The following PRKD1 variants were observed in gnomAD, a reference collection of about 807,000 sequenced individuals.
The protein encoded by PRKD1 is serine/threonine-protein kinase D1.
PRKD1 carries 63 observed loss-of-function variants against 95.9 expected under a neutral mutation model. That is an observed-to-expected ratio of 0.66 (90% CI 0.54 to 0.81). The LOEUF (loss-of-function observed/expected upper bound fraction) is 0.81, where lower values mean the gene tolerates loss of function less well. Ranked by LOEUF, PRKD1 falls within the 30% of genes least tolerant of loss-of-function variation. The pLI is 0.00. For synonymous variants in PRKD1, 425 were observed against 423.1 expected (o/e 1.00, Z -0.05); for missense variants, 1,048 against 1,165.3 (o/e 0.90, Z 1.47).
At chr14:29,866,440 T>C (rs1187135791) in intron 1 of PRKD1, among the ~76,000 whole-genome samples, 2 of 152,226 alleles carry the variant, frequency 1.3e-5, no homozygotes, top group African/African-American at 4.8e-5. Context: ...ATTTTCCCCA[T>C]GTCTTTCCTA....
At chr14:29,849,987 G>A (rs74672666) in intron 1 of PRKD1, among the ~76,000 whole-genome samples, 17,186 of 151,976 alleles carry the variant, frequency 0.11, 1,101 homozygotes, top group East Asian at 0.25. Flanking sequence ...AAACGCTTTC[G>A]AGAGAGTGCA....
chr14:29,893,542 T>C (rs1894014255), intron 1 of PRKD1, among the ~76,000 whole-genome samples: 1 of 152,112 alleles, frequency 6.6e-6, no homozygotes, highest in African/African-American at 2.4e-5. Flanking sequence ...TCAGAAAAAA[T>C]AAGTAAATCA....
At chr14:29,692,715 A>C (rs1196059771) in intron 2 of PRKD1, among the ~76,000 whole-genome samples, 1 of 152,192 alleles carries the variant, frequency 6.6e-6, no homozygotes, top group Non-Finnish European at 1.5e-5. Flanking sequence ...ATTACTCTGA[A>C]TGCTACTTCA....
chr14:29,782,505 G>A (rs1321810990), intron 1 of PRKD1, among the ~76,000 whole-genome samples: 3 of 151,920 alleles, frequency 2.0e-5, no homozygotes, highest in African/African-American at 7.3e-5. Flanking sequence ...TTATTCTAAT[G>A]TAATAGTTAA....
rs955870457 is a variant in PRKD1, at chr14:29,787,142, A to G, written c.265-61468T>C. On this transcript the variant is annotated intron_variant, in intron 1 of 17. Coordinates refer to ENST00000331968, the MANE Select transcript of PRKD1 (RefSeq NM_002742.3). ...TCCCATGTATTTGTATAGTTTCCAA[A>G]GTGCCTCTTGGTATTGATTTCTAGT... 2.0e-5 allele frequency among the ~76,000 whole-genome samples: 3 copies of G among 151,326 alleles called. No individual in the cohort carries two copies. In the East Asian group the frequency reaches 5.8e-4, roughly 29 times the overall value.
At chr14:29,894,107 G>C (rs1020288076) in intron 1 of PRKD1, among the ~76,000 whole-genome samples, 1 of 152,182 alleles carries the variant, frequency 6.6e-6, no homozygotes, top group Non-Finnish European at 1.5e-5. Context: ...CTCTGAGGAA[G>C]TGATGTTAAA....
intron 1 of PRKD1, among the ~76,000 whole-genome samples, chr14:29,905,364 T>C (rs573814781): frequency 6.6e-6 from 1 of 152,306 alleles, no homozygotes; most frequent in South Asian, 2.1e-4. Flanking sequence ...GTGGGTGTCC[T>C]ATGGTCTATA....
chr14:29,899,210 T>A (rs1894234602), intron 1 of PRKD1, among the ~76,000 whole-genome samples: 1 of 152,162 alleles, frequency 6.6e-6, no homozygotes, highest in African/African-American at 2.4e-5. Flanking sequence ...ATAAATAAGG[T>A]TAAACCATTT....
chr14:29,655,746 T>A (rs991309363), intron 4 of PRKD1, among the ~76,000 whole-genome samples: 1 of 152,064 alleles, frequency 6.6e-6, no homozygotes, highest in Non-Finnish European at 1.5e-5. Context: ...GTTTTTTCCA[T>A]ATATAATTTC....
intron 1 of PRKD1, among the ~76,000 whole-genome samples, chr14:29,754,600 TG>T (rs1334722600): frequency 6.6e-6 from 1 of 152,152 alleles, no homozygotes; most frequent in African/African-American, 2.4e-5. Context: ...CTATTGATTA[TG>T]GTTTAACTCT....
intron 13 of PRKD1, among the ~76,000 whole-genome samples, chr14:29,611,505 A>G (rs1347920965): frequency 6.6e-6 from 1 of 152,146 alleles, no homozygotes; most frequent in African/African-American, 2.4e-5. Flanking sequence ...CTCACATAGC[A>G]GGGATCCTGA....
At chr14:29,672,017 C>T (rs1446316280) in intron 2 of PRKD1, among the ~76,000 whole-genome samples, 2 of 152,088 alleles carry the variant, frequency 1.3e-5, no homozygotes, top group Admixed American at 6.6e-5. Flanking sequence ...TATTGTAAGT[C>T]TTAACAGAAA....
chr14:29,788,446 G>C (rs1164007839), intron 1 of PRKD1, among the ~76,000 whole-genome samples: 1 of 152,120 alleles, frequency 6.6e-6, no homozygotes, highest in Non-Finnish European at 1.5e-5. Context: ...TTCCTTATCT[G>C]AGTATCTATA....
chr14:29,748,511 T>C (rs1357525419), intron 1 of PRKD1, among the ~76,000 whole-genome samples: 23 of 152,188 alleles, frequency 1.5e-4, no homozygotes, highest in Non-Finnish European at 2.9e-5. Context: ...AGCTATCAAC[T>C]GACCAAAACT....
At chr14:29,602,633 T>C (rs1893564380) in intron 13 of PRKD1, among the ~76,000 whole-genome samples, 1 of 152,010 alleles carries the variant, frequency 6.6e-6, no homozygotes, top group Non-Finnish European at 1.5e-5. Context: ...TTCTCCATGT[T>C]GGTCAGGATG....
At chr14:29,735,186 TTACAAGAAAAG>T (rs1886654821) in intron 1 of PRKD1, among the ~76,000 whole-genome samples, 1 of 152,180 alleles carries the variant, frequency 6.6e-6, no homozygotes, top group Admixed American at 6.5e-5. Context: ...AAACTGCATT[TTACAAGAAAAG>T]TGAAAGAAAA....
At chr14:29,636,813 C>T (rs1171979549) in intron 6 of PRKD1, among the ~76,000 whole-genome samples, 1 of 152,108 alleles carries the variant, frequency 6.6e-6, no homozygotes, top group East Asian at 1.9e-4. Context: ...TTATTCCCCA[C>T]TATGTGACCA....
intron 2 of PRKD1, among the ~76,000 whole-genome samples, chr14:29,703,654 G>A (rs1884945293): frequency 6.6e-6 from 1 of 152,100 alleles, no homozygotes; most frequent in African/African-American, 2.4e-5. Flanking sequence ...TAAGATTTAC[G>A]TGTATATCTT....
chr14:29,686,024 AG>A (rs894067158), intron 2 of PRKD1, among the ~76,000 whole-genome samples: 9 of 152,290 alleles, frequency 5.9e-5, no homozygotes, highest in African/African-American at 1.9e-4. Context: ...CAGTATTATA[AG>A]GGGGGAAGAC....
Sources: allele counts gnomAD v4.1 joint callset (sites outside exome capture counted in the v4.1 genomes callset), GRCh38; gene constraint gnomAD v4.1.1; transcripts MANE v1.5; gene names NCBI Gene and HGNC (gene_info 2026-07-23, HGNC 2026-07-21).